ADAMTS16: variants seen among roughly 807,000 people sequenced by gnomAD.
ADAMTS16 encodes the protein A disintegrin and metalloproteinase with thrombospondin motifs 16.
In ADAMTS16, 94 loss-of-function variants were observed where a neutral mutation model predicts 145.8. The observed-to-expected ratio is 0.64, with a 90% confidence interval of 0.55 to 0.77. The LOEUF is 0.77. Among genes scored for constraint, ADAMTS16 ranks in the 30% least tolerant of loss-of-function variants. The pLI is 0.00. For missense variants in ADAMTS16, 1,585 were observed against 1,591.5 expected (o/e 1.00, Z 0.07); for synonymous variants, 659 against 604.3 (o/e 1.09, Z -1.33).
At chr5:5,222,085 A>G (rs1736622014) in intron 10 of ADAMTS16, among the ~76,000 whole-genome samples, 1 of 152,250 alleles carries the variant, frequency 6.6e-6, no homozygotes, top group Admixed American at 6.5e-5. Flanking sequence ...CTTTGGACTC[A>G]GTAAAAACAA....
At chr5:5,276,822 C>T (rs1008681960) in intron 18 of ADAMTS16, among the ~76,000 whole-genome samples, 3 of 151,630 alleles carry the variant, frequency 2.0e-5, no homozygotes, top group East Asian at 1.9e-4. Flanking sequence ...CCACTAGCCT[C>T]GTTTTTCTCT....
At chr5:5,188,141 G>A (rs576728366) in intron 6 of ADAMTS16, among the ~76,000 whole-genome samples, 2 of 152,318 alleles carry the variant, frequency 1.3e-5, no homozygotes, top group Admixed American at 1.3e-4. Context: ...GAGCTTTCAG[G>A]ATGCCAGTGG....
chr5:5,196,816 C>T (rs1035901365), intron 8 of ADAMTS16, among the ~76,000 whole-genome samples: 1 of 152,174 alleles, frequency 6.6e-6, no homozygotes, highest in African/African-American at 2.4e-5. Context: ...GTTTTACTAT[C>T]CCATTTTATA....
At chr5:5,167,829 T>G (rs146809492) in intron 3 of ADAMTS16, among the ~76,000 whole-genome samples, 3 of 152,170 alleles carry the variant, frequency 2.0e-5, no homozygotes, top group African/African-American at 7.2e-5. Context: ...AATTGAGGAG[T>G]TGAAGGCCTA....
At chr5:5,208,465 T>C (rs1225311358) in intron 9 of ADAMTS16, among the ~76,000 whole-genome samples, 1 of 152,202 alleles carries the variant, frequency 6.6e-6, no homozygotes, top group Non-Finnish European at 1.5e-5. Context: ...AATCTATTTA[T>C]GGAAAAAGAA....
chr5:5,285,430 C>CG (rs1236934473), intron 18 of ADAMTS16, among the ~76,000 whole-genome samples: 1 of 152,212 alleles, frequency 6.6e-6, no homozygotes, highest in Non-Finnish European at 1.5e-5. Flanking sequence ...GTTCCAAACT[C>CG]GGGTGCAGCC....
chr5:5,308,384 G>C (rs934082624), intron 21 of ADAMTS16, among the ~76,000 whole-genome samples: 2 of 152,158 alleles, frequency 1.3e-5, no homozygotes, highest in African/African-American at 2.4e-5. Flanking sequence ...GTCCGTGCTT[G>C]GCCTCTCACA....
intron 18 of ADAMTS16, among the ~76,000 whole-genome samples, chr5:5,283,131 C>A (rs1215446527): frequency 1.3e-5 from 2 of 151,996 alleles, no homozygotes; most frequent in Non-Finnish European, 2.9e-5. Flanking sequence ...TACCCCTGCC[C>A]TTAGTTTAAA....
intron 10 of ADAMTS16, among the ~76,000 whole-genome samples, chr5:5,209,719 C>T (rs557621935): frequency 3.3e-5 from 5 of 152,170 alleles, no homozygotes; most frequent in African/African-American, 4.8e-5. Flanking sequence ...ATACCTACTC[C>T]GTCAACCCCA....
intron 14 of ADAMTS16, 132 bp downstream of exon 14, chr5:5,237,231 A>T: frequency 1.1e-6 from 1 of 910,062 alleles, no homozygotes; most frequent in Non-Finnish European, 1.6e-6. Context: ...CAGTGGGGAG[A>T]AAGCCAGAAG....
chr5:5,235,994 T>C (rs925932647), intron 13 of ADAMTS16, among the ~76,000 whole-genome samples: 1 of 152,228 alleles, frequency 6.6e-6, no homozygotes, highest in African/African-American at 2.4e-5. Context: ...GTTGTCCCTT[T>C]ACTCCTAAAT....
chr5:5,152,702 A>C (rs1040492956), intron 3 of ADAMTS16, among the ~76,000 whole-genome samples: 1 of 152,238 alleles, frequency 6.6e-6, no homozygotes, highest in African/African-American at 2.4e-5. Flanking sequence ...TGGCTCAAAC[A>C]CTACCAAATT....
At chr5:5,183,904 A>G (rs1386051305) in intron 4 of ADAMTS16, among the ~76,000 whole-genome samples, 3 of 152,236 alleles carry the variant, frequency 2.0e-5, no homozygotes, top group Admixed American at 6.5e-5. Context: ...TGAAAAGTGG[A>G]AAAAAGTTCC....
intron 18 of ADAMTS16, among the ~76,000 whole-genome samples, chr5:5,286,773 A>T (rs1230291512): frequency 1.4e-5 from 2 of 146,496 alleles, no homozygotes; most frequent in Non-Finnish European, 3.0e-5. Flanking sequence ...CAGGAGAATG[A>T]TGCAAACCCA....
Position 5,319,680 on chromosome 5 carries a change from G to A in ADAMTS16, c.*542G>A, listed in dbSNP as rs868386779. 18 of 352,700 alleles carry A rather than the reference G, an allele frequency of 5.1e-5. No homozygotes were observed. The highest frequency in any genetic ancestry group is 6.6e-5 in the Non-Finnish European group (12 of 182,546). The allele number at this position is 352,700 out of a possible 1,614,324, so 21.8% of individuals were successfully genotyped here. A position where few individuals can be genotyped will look rare whatever the true frequency, so the allele number is the denominator to read the frequency against. ...CAGGCTCCTCCTCCTCCTCCCCAGC[G>A]GCCGAGCATCTCTTACCAGGAACCT... On this transcript the variant is annotated 3_prime_UTR_variant, in exon 23 of 23. Transcript: ENST00000274181.
At position 5,319,182 on chromosome 5, in the gene ADAMTS16, A is replaced by T. The variant is rs1321314786; in HGVS notation, c.*44A>T. ...AGCAGAGAAAGTGCCTGCGTGGCAC[A>T]GAAATTTCCCACAAATGAGCTGTGC... On this transcript the variant is annotated 3_prime_UTR_variant, in exon 23 of 23. Coordinates refer to ENST00000274181, the MANE Select transcript of ADAMTS16 (RefSeq NM_139056.4). 81 of 1,431,124 alleles carry T rather than the reference A, an allele frequency of 5.7e-5. 1 individual carries two copies. In the East Asian group the frequency reaches 1.9e-3, roughly 33 times the overall value. 88.7% of individuals were successfully genotyped at this position (1,431,124 alleles called of 1,614,324 possible). A position where few individuals can be genotyped will look rare whatever the true frequency, so the allele number is the denominator to read the frequency against.
At chr5:5,176,899 C>A (rs751770866) in intron 3 of ADAMTS16, among the ~76,000 whole-genome samples, 1 of 152,236 alleles carries the variant, frequency 6.6e-6, no homozygotes, top group Non-Finnish European at 1.5e-5. Flanking sequence ...GCACTTCACC[C>A]AAGTCACACT....
intron 16 of ADAMTS16, among the ~76,000 whole-genome samples, chr5:5,241,578 ATC>A (rs1232896488): frequency 6.6e-6 from 1 of 152,190 alleles, no homozygotes; most frequent in East Asian, 1.9e-4. Context: ...CTTTGTAGGT[ATC>A]TCTTTCTGAT....
At chr5:5,235,553 C>T (rs534241577) in intron 13 of ADAMTS16, among the ~76,000 whole-genome samples, 1 of 152,214 alleles carries the variant, frequency 6.6e-6, no homozygotes, top group East Asian at 1.9e-4. Flanking sequence ...CCATTGAATA[C>T]TTATAATTGT....
Sources: gnomAD v4.1 joint callset for allele counts (sites outside exome capture counted in the v4.1 genomes callset) on GRCh38, gnomAD v4.1.1 for gene constraint, MANE v1.5 for transcripts, NCBI Gene and HGNC (gene_info 2026-07-23, HGNC 2026-07-21) for gene names.